Variants in INO80D observed in about 807,000 individuals in gnomAD.
INO80D encodes the protein INO80 complex subunit D.
Under a neutral mutation model 87.6 loss-of-function variants are expected in INO80D, and 21 were observed. The observed-to-expected ratio is 0.24, with a 90% CI of 0.17 to 0.35. The LOEUF (loss-of-function observed/expected upper bound fraction) is 0.35, where lower values mean the gene tolerates loss of function less well. Ranked by LOEUF, INO80D falls within the 10% of genes least tolerant of loss-of-function variation. The pLI is 1.00. For missense variants in INO80D, 982 were observed against 1,280.7 expected, an observed-to-expected ratio of 0.77 and a Z score of 3.56; for synonymous variants, 440 against 491.0, an observed-to-expected ratio of 0.90 and a Z score of 1.37.
intron 5 of INO80D, among the ~76,000 whole-genome samples, chr2:206,030,092 T>A (rs1688721194): frequency 6.6e-6 from 1 of 152,182 alleles, no homozygotes; most frequent in Non-Finnish European, 1.5e-5. Flanking sequence ...AGCTAGCAAA[T>A]GTGATAAATA....
At chr2:206,030,816 C>T (rs1688743816) in intron 5 of INO80D, among the ~76,000 whole-genome samples, 1 of 152,024 alleles carries the variant, frequency 6.6e-6, no homozygotes, top group Non-Finnish European at 1.5e-5. Flanking sequence ...CAGAGGTGTG[C>T]CATGACAATG....
intron 1 of INO80D, among the ~76,000 whole-genome samples, chr2:206,078,362 A>C (rs943338853): frequency 6.6e-6 from 1 of 152,164 alleles, no homozygotes; most frequent in Non-Finnish European, 1.5e-5. Flanking sequence ...GATTGCAGTG[A>C]GCTGAGATCG....
chr2:206,081,575 A>AT (rs1179015692), intron 1 of INO80D, among the ~76,000 whole-genome samples: 2 of 152,044 alleles, frequency 1.3e-5, no homozygotes, highest in Non-Finnish European at 2.9e-5. Flanking sequence ...CAACATGGGG[A>AT]AACCCTGTCT....
At position 206,005,284 on chromosome 2, in the gene INO80D, T is replaced by C; in HGVS notation, c.2168A>G (p.His723Arg). ...CAGCTCTAGACTAGAAAAATTATCA[T>C]GTACTATACGCCCATTCAATAGCTC... Reference protein sequence around the residue: ...LGELLNGRIVHDNFSSLELDE... With the variant: ...LGELLNGRIVRDNFSSLELDE... Residue 723 changes from histidine to arginine, a missense_variant, in exon 11 of 11, where the codon CAT (histidine) becomes CGT (arginine). His to Arg is a conservative substitution (Grantham distance 29). Transcript: ENST00000403263. 1.2e-6 allele frequency: 2 copies of C among 1,614,032 alleles called. No homozygotes were observed. The highest frequency in any genetic ancestry group is 1.7e-6 in the Non-Finnish European group (2 of 1,179,892).
In INO80D at chr2:206,000,505, G is replaced by A. The variant is rs1410575145; in HGVS notation, c.*3863C>T. ...CACTTTATAAAAACAGAATGGTATA[G>A]GTCAACAGAAAGGTCAATTCTTTCA... is the stretch of plus-strand genomic sequence containing the variant. On this transcript the variant is annotated 3_prime_UTR_variant, in exon 11 of 11. Transcript: ENST00000403263. 4 of 151,190 alleles carry A rather than the reference G, an allele frequency of 2.6e-5. No individual in the cohort carries two copies. The highest frequency in any genetic ancestry group is 2.1e-4 in the South Asian group (1 of 4,736). 9.4% of individuals were successfully genotyped at this position (151,190 alleles called of 1,614,324 possible). A position where few individuals can be genotyped will look rare whatever the true frequency, so the allele number is the denominator to read the frequency against.
At chr2:206,015,721 C>T (rs1688299949) in intron 8 of INO80D, among the ~76,000 whole-genome samples, 1 of 152,028 alleles carries the variant, frequency 6.6e-6, no homozygotes, top group Admixed American at 6.6e-5. Flanking sequence ...CCTGTCTCTG[C>T]TAAAAATACA....
At chr2:206,069,503 T>C (rs1689904681) in intron 1 of INO80D, among the ~76,000 whole-genome samples, 3 of 152,146 alleles carry the variant, frequency 2.0e-5, no homozygotes, top group Non-Finnish European at 4.4e-5. Flanking sequence ...CCTAGCACTC[T>C]GGGAGGCCAA....
chr2:206,005,711 T>C (rs998343400), intron 10 of INO80D, among the ~76,000 whole-genome samples, 178 bp from the exon 11 acceptor site: 2 of 152,240 alleles, frequency 1.3e-5, no homozygotes, highest in Non-Finnish European at 2.9e-5. Flanking sequence ...GGACAGGGTC[T>C]GTAACGTCAG....
chr2:206,037,657 T>C (rs763349541), intron 5 of INO80D, among the ~76,000 whole-genome samples: 11 of 152,098 alleles, frequency 7.2e-5, no homozygotes, highest in African/African-American at 2.2e-4. Flanking sequence ...GAAAACAGTA[T>C]AAAGATTTCT....
rs913106625 is a variant in INO80D, at chr2:206,001,088, A to G, written c.*3280T>C. The G allele has an allele frequency of 1.3e-5, 2 of 152,202 alleles. 1 individual carries two copies. The highest frequency in any genetic ancestry group is 2.9e-5 in the Non-Finnish European group (2 of 68,036). 9.4% of individuals were successfully genotyped at this position (152,202 alleles called of 1,614,324 possible). On this transcript the variant is annotated 3_prime_UTR_variant, in exon 11 of 11. Transcript: ENST00000403263. ...GGGTTAAGTATAATTGCTACTTACT[A>G]TTGAGTTGTTTACTAGCTACATAAC...
rs532903045 is a variant in INO80D, at chr2:206,002,884, G to A, written c.*1484C>T. On this transcript the variant is annotated 3_prime_UTR_variant, in exon 11 of 11. Transcript: ENST00000403263. ...ATAAATAGCCAATGGTATCTCAAGG[G>A]ACAGTGAAACTACTCAGCAAAAGCA... 182 of 152,164 alleles carry A rather than the reference G, an allele frequency of 1.2e-3. 1 individual carries two copies. Among genetic ancestry groups the A allele is most frequent in the African/African-American group, 4.3e-3 (177 of 41,516 alleles). The allele number at this position is 152,164 out of a possible 1,614,324, so 9.4% of individuals were successfully genotyped here. A position where few individuals can be genotyped will look rare whatever the true frequency, so the allele number is the denominator to read the frequency against.
At chr2:206,055,361 A>G (rs1360595244) in intron 4 of INO80D, among the ~76,000 whole-genome samples, 1 of 152,260 alleles carries the variant, frequency 6.6e-6, no homozygotes, top group African/African-American at 2.4e-5. Context: ...AGAAGCAACA[A>G]AAGAAAAATA....
chr2:206,050,956 G>A (rs542337619), intron 4 of INO80D, among the ~76,000 whole-genome samples: 13 of 149,590 alleles, frequency 8.7e-5, no homozygotes, highest in African/African-American at 1.9e-4. Flanking sequence ...GTGACAGAGC[G>A]AAACTCCGTC....
In INO80D at chr2:206,019,717, C is replaced by T. The variant is rs1688409196; in HGVS notation, c.1408+19G>A. 6.3e-7 allele frequency: 1 copy of T among 1,587,452 alleles called. No homozygotes were observed. The highest frequency in any genetic ancestry group is 1.1e-5 in the South Asian group (1 of 89,400). On this transcript the variant is annotated intron_variant, in intron 7 of 10. Transcript: ENST00000403263. ...GGTAGTACTTTTTCAATGCACATTCCATTTAGTTGAAAGGATACGTTGGAA... is the reference window on the plus strand; with the variant it reads ...GGTAGTACTTTTTCAATGCACATTCTATTTAGTTGAAAGGATACGTTGGAA...
intron 4 of INO80D, among the ~76,000 whole-genome samples, chr2:206,050,734 C>A (rs1013695148): frequency 6.6e-6 from 1 of 151,880 alleles, no homozygotes. Flanking sequence ...TTTGGGAGGC[C>A]GAGGCGGGCG....
intron 10 of INO80D, 63 bp from the exon 11 acceptor site, chr2:206,005,596 AC>A: frequency 8.2e-7 from 1 of 1,226,934 alleles, no homozygotes; most frequent in East Asian, 2.4e-5. Flanking sequence ...CACAAAAATC[AC>A]ACATTTGAAT....
intron 1 of INO80D, among the ~76,000 whole-genome samples, chr2:206,075,776 A>G (rs551850407): frequency 4.0e-5 from 6 of 151,022 alleles, no homozygotes; most frequent in African/African-American, 1.5e-4. Flanking sequence ...GTGAGATGCC[A>G]GGTGCAGTGG....
chr2:206,039,026 C>A (rs1302894317), intron 5 of INO80D, among the ~76,000 whole-genome samples: 1 of 152,154 alleles, frequency 6.6e-6, no homozygotes, highest in African/African-American at 2.4e-5. Flanking sequence ...AGAAAAAACA[C>A]ATTAAATGAT....
chr2:206,069,059 T>C (rs2105898508), intron 1 of INO80D, among the ~76,000 whole-genome samples: 1 of 152,288 alleles, frequency 6.6e-6, no homozygotes, highest in East Asian at 1.9e-4. Flanking sequence ...ATTTATGACA[T>C]ATTTCATCTT....
Sources: gnomAD v4.1 joint callset for allele counts (sites outside exome capture counted in the v4.1 genomes callset) on GRCh38, gnomAD v4.1.1 for gene constraint, MANE v1.5 for transcripts, NCBI Gene and HGNC (gene_info 2026-07-23, HGNC 2026-07-21) for gene names.